Variants in CCDC17 observed in about 807,000 individuals in gnomAD.
CCDC17 encodes the protein coiled-coil domain containing 17.
CCDC17 carries 79 observed loss-of-function variants against 68.0 expected under a neutral mutation model. The observed-to-expected ratio is 1.16, with a 90% CI of 0.97 to 1.40. The LOEUF (loss-of-function observed/expected upper bound fraction) is 1.40. Among genes scored for constraint, CCDC17 ranks in the 40% most tolerant of loss-of-function variants. CCDC17 has a pLI of 0.00. For synonymous variants in CCDC17, 376 were observed against 337.5 expected (o/e 1.11, Z -1.25); for missense variants, 846 against 811.5 (o/e 1.04, Z -0.52).
Position 45,623,357 on chromosome 1 carries a change from C to A in CCDC17, c.353G>T (p.Arg118Leu). Residue 118 changes from arginine to leucine, a missense_variant, in exon 3 of 13, where the codon CGT becomes CTT. Coordinates refer to ENST00000528266, the MANE Select transcript of CCDC17 (RefSeq NM_001114938.3). ...VPRVFAGPWT[R>L]SEARPQSPMS... ...GGGACTCTGAGGCCGCGCCTCGGAA[C>A]GTGTCCAGGGCCCCGCGAACACCCT... 1 of 1,550,724 alleles carries A rather than the reference C, an allele frequency of 6.4e-7. No homozygotes were observed. The highest frequency in any genetic ancestry group is 8.7e-7 in the Non-Finnish European group (1 of 1,146,990).
intron 12 of CCDC17, 25 bp downstream of exon 12, chr1:45,620,698 T>A (rs751526424): frequency 1.3e-6 from 2 of 1,571,262 alleles, no homozygotes; most frequent in African/African-American, 2.7e-5. Flanking sequence ...AGCTGTGGTG[T>A]CCCTAGCTGC....
rs764825761 is a variant in CCDC17 at position 45,622,247 on chromosome 1, G to A, written c.961C>T (p.Pro321Ser). 3 of 1,612,566 alleles carry A rather than the reference G, an allele frequency of 1.9e-6. No individual in the cohort carries two copies. The highest frequency in any genetic ancestry group is 2.5e-6 in the Non-Finnish European group (3 of 1,179,244). The change falls in exon 7 of 13, where the codon CCC becomes TCC. Residue 321 changes from proline to serine, a missense_variant. Transcript: ENST00000528266. ...GGTTGGGGTGCTCACTGACCCAAGG[G>A]TGCCCGACCCCTCTGCATTTGCAAG... ...LALQMQRGRA[P>S]LGPQDLRLLG...
rs766004353 is a variant in CCDC17, at chr1:45,621,139, C to T, written c.1389-26G>A. Reference sequence around the variant, plus strand: ...CTGTAGAATAACCAAAAAGCAGTGTCGGAAGCCAGAGCTACAGTCCCTTTC... The same window carrying T: ...CTGTAGAATAACCAAAAAGCAGTGTTGGAAGCCAGAGCTACAGTCCCTTTC... On this transcript the variant is annotated intron_variant, in intron 10 of 12. Transcript: ENST00000528266. 8.1e-6 allele frequency: 13 copies of T among 1,607,298 alleles called. No individual in the cohort carries two copies. The South Asian group carries it at 1.1e-4, about 14-fold the overall frequency.
rs1313320359 is a variant in CCDC17, at chr1:45,621,925, GA to G, written c.1037del (p.Leu346ProfsTer24). ...QPKGRRDPPL[L>X]PPPVAPPLPP... is the part of the protein sequence containing the mutation. The stretch of plus-strand genomic sequence containing the variant: ...GCAGCGGTGGTGCCACCGGTGGCGG[GA>G]GGAGTGGGGGATCTCTCCTCCCCTT... On this transcript the variant is annotated frameshift_variant, in exon 8 of 13. Transcript: ENST00000528266. LOFTEE classifies it high-confidence loss of function. The G allele has an allele frequency of 1.9e-6, 3 of 1,610,036 alleles. No homozygotes were observed. Among genetic ancestry groups the G allele is most frequent in the Non-Finnish European group, 8.5e-7 (1 of 1,178,592 alleles).
chr1:45,623,817 C>CTGAGTT lies in CCDC17; in HGVS notation c.92_93insAACTCA (p.Thr30_Gln31dup). On this transcript the variant is annotated inframe_insertion, in exon 1 of 13. Coordinates refer to ENST00000528266, the MANE Select transcript of CCDC17 (RefSeq NM_001114938.3). Reference sequence around the variant, plus strand: ...GGGTCGGGTGGCCAATGCAGAAGCGCTGAGTATGGGTGGCTAACAGAGCTG... The same window carrying CTGAGTT: ...GGGTCGGGTGGCCAATGCAGAAGCGCTGAGTTTGAGTATGGGTGGCTAACAGAGCTG... 6.4e-7 allele frequency: 1 copy of CTGAGTT among 1,551,642 alleles called. No individual in the cohort carries two copies. The highest frequency in any genetic ancestry group is 8.7e-7 in the Non-Finnish European group (1 of 1,146,930).
chr1:45,621,243 G>A (rs1644243967), intron 10 of CCDC17, 38 bp downstream of exon 10: 1 of 1,545,880 alleles, frequency 6.5e-7, no homozygotes, highest in African/African-American at 1.4e-5. Context: ...AGCCTCAACT[G>A]TGGCAGAGTA....
rs1386728728 is a variant in CCDC17, at chr1:45,621,306, G to A, written c.1363C>T (p.Leu455Phe). 9.5e-6 allele frequency: 15 copies of A among 1,584,198 alleles called. No homozygotes were observed. Among genetic ancestry groups the A allele is most frequent in the Non-Finnish European group, 1.1e-5 (13 of 1,165,096 alleles). The change falls in exon 10 of 13, where the codon CTT becomes TTT. Residue 455 changes from leucine (L) to phenylalanine (F), a missense_variant. Coordinates refer to ENST00000528266, the MANE Select transcript of CCDC17 (RefSeq NM_001114938.3). ...CTGGGCACAGGCTGCCTGCTGGCAA[G>A]GATGGCACAGTTGCCCATGGGCCCG... ...APGPMGNCAI[L>F]ASRQPVPRLP...
At position 45,623,607 on chromosome 1, in the gene CCDC17, GGCCCTGGGGTTCTTGTGGCAC is replaced by G. The variant is rs1217085230; in HGVS notation, c.199_219del (p.Val67_Gly73del). 58 of 1,551,158 alleles carry G rather than the reference GGCCCTGGGGTTCTTGTGGCAC, an allele frequency of 3.7e-5. No individual in the cohort carries two copies. The highest frequency in any genetic ancestry group is 9.8e-5 in the Admixed American group (5 of 50,978). On this transcript the variant is annotated inframe_deletion, in exon 2 of 13. Coordinates refer to ENST00000528266, the MANE Select transcript of CCDC17 (RefSeq NM_001114938.3). ...GATCTACTGGCCTGCTGGTCTGGGA[GGCCCTGGGGTTCTTGTGGCAC>G]GCCCTGGTGTTCTTGTGGCACAACC...
Position 45,623,888 on chromosome 1 carries a change from G to A in CCDC17, c.22C>T (p.Pro8Ser). 2 of 1,532,398 alleles carry A rather than the reference G, an allele frequency of 1.3e-6. No individual in the cohort carries two copies. The highest frequency in any genetic ancestry group is 1.8e-6 in the Non-Finnish European group (2 of 1,138,766). The allele number at this position is 1,532,398 out of a possible 1,614,324, so 94.9% of individuals were successfully genotyped here. The change falls in exon 1 of 13, where the codon CCT becomes TCT. Residue 8 changes from proline (P) to serine (S), a missense_variant. By Grantham distance (74) the Pro-to-Ser change is moderately conservative (BLOSUM62 -1). Coordinates refer to ENST00000528266, the MANE Select transcript of CCDC17 (RefSeq NM_001114938.3). Reference sequence around the variant, plus strand: ...CAGGTCCCACAGGGCAGGAGCGCAGGCTCCCCAGAGTGGGAGTCCATGGGA... The same window carrying A: ...CAGGTCCCACAGGGCAGGAGCGCAGACTCCCCAGAGTGGGAGTCCATGGGA... Reference protein sequence around the residue: MDSHSGEPALLPCGTCDM... With the variant: MDSHSGESALLPCGTCDM...
At position 45,622,983 on chromosome 1, in the gene CCDC17, G is replaced by C; in HGVS notation, c.628C>G (p.Arg210Gly). Residue 210 changes from arginine (R) to glycine (G), a missense_variant, in exon 4 of 13, where the codon CGC becomes GGC. By Grantham distance (125) the Arg-to-Gly change is moderately radical. Coordinates refer to ENST00000528266, the MANE Select transcript of CCDC17 (RefSeq NM_001114938.3). ...TRGALEVLGARIQELQAEPGN... is the reference protein window; with the variant it reads ...TRGALEVLGAGIQELQAEPGN... Reference sequence around the variant, plus strand: ...GGCTCCGCCTGCAGCTCCTGAATGCGGGCCCCCAACACCTCTAGAGCTCCC... The same window carrying C: ...GGCTCCGCCTGCAGCTCCTGAATGCCGGCCCCCAACACCTCTAGAGCTCCC... 2 of 1,604,986 alleles carry C rather than the reference G, an allele frequency of 1.2e-6. No homozygotes were observed. The highest frequency in any genetic ancestry group is 2.2e-5 in the East Asian group (1 of 44,722).
Position 45,622,537 on chromosome 1 carries a change from C to A in CCDC17, c.859+12G>T, listed in dbSNP as rs1343057423. 1 of 1,550,426 alleles carries A rather than the reference C, an allele frequency of 6.4e-7. No individual in the cohort carries two copies. The highest frequency in any genetic ancestry group is 8.7e-7 in the Non-Finnish European group (1 of 1,146,402). ...GGACTGACCACCGCTGGCGAGAGGC[C>A]CTCCTGTTCACCTCTGCGGGTCTGC... is the stretch of plus-strand genomic sequence containing the variant. On this transcript the variant is annotated intron_variant, in intron 6 of 12. Coordinates refer to ENST00000528266, the MANE Select transcript of CCDC17 (RefSeq NM_001114938.3).
At position 45,621,743 on chromosome 1, in the gene CCDC17, G is replaced by A; in HGVS notation, c.1087-8C>T. 1 of 1,613,144 alleles carries A rather than the reference G, an allele frequency of 6.2e-7. No homozygotes were observed. The highest frequency in any genetic ancestry group is 8.5e-7 in the Non-Finnish European group (1 of 1,179,628). ...TGTTCCAGGAAGCTGTGGCTGTGGG[G>A]AAGAGAGCTGACTCCTCCAGAAAGC... On this transcript the variant is annotated splice_region_variant and splice_polypyrimidine_tract_variant and intron_variant, in intron 8 of 12. Coordinates refer to ENST00000528266, the MANE Select transcript of CCDC17 (RefSeq NM_001114938.3).
rs1411919798 is a variant in CCDC17, at chr1:45,621,485, C to A, written c.1185-1G>T. 6.3e-7 allele frequency: 1 copy of A among 1,582,122 alleles called. No individual in the cohort carries two copies. The highest frequency in any genetic ancestry group is 2.3e-5 in the East Asian group (1 of 42,948). ...ATCATAGAAAATGACCAGGCCAGCC[C>A]TGGGGAACACAAGTCTTAGCACAGA... On this transcript the variant is annotated splice_acceptor_variant, in intron 9 of 12. Coordinates refer to ENST00000528266, the MANE Select transcript of CCDC17 (RefSeq NM_001114938.3). LOFTEE classifies it high-confidence loss of function.
Position 45,623,081 on chromosome 1 carries a change from C to A in CCDC17, c.530G>T (p.Arg177Leu). Reference protein sequence around the residue: ...SRRLQVVACTRGGMSRLFGLE... With the variant: ...SRRLQVVACTLGGMSRLFGLE... ...GCCGAAGAGGCGGGACATCCCGCCCCGCGTACAGGCCACAACTTGGAGGCG... is the reference window on the plus strand; with the variant it reads ...GCCGAAGAGGCGGGACATCCCGCCCAGCGTACAGGCCACAACTTGGAGGCG... The change falls in exon 4 of 13, where the codon CGG becomes CTG. Residue 177 changes from arginine to leucine, a missense_variant. Coordinates refer to ENST00000528266, the MANE Select transcript of CCDC17 (RefSeq NM_001114938.3). 1.3e-6 allele frequency: 2 copies of A among 1,596,996 alleles called. No homozygotes were observed. Among genetic ancestry groups the A allele is most frequent in the South Asian group, 1.1e-5 (1 of 88,350 alleles).
chr1:45,620,828 A>G lies in CCDC17; in HGVS notation c.1605T>C (p.Gly535=). 6.2e-7 allele frequency: 1 copy of G among 1,610,884 alleles called. No homozygotes were observed. Among genetic ancestry groups the G allele is most frequent in the Admixed American group, 1.7e-5 (1 of 59,394 alleles). The change falls in exon 12 of 13, where the codon GGT becomes GGC. Residue 535 remains glycine, a synonymous_variant. Transcript: ENST00000528266. ...CCAGCCGCAGAAAGAGCTCAGCCTG[A>G]CCTGCCTGGGGAGAGATGAAATGGT... ...LGQLNGIPQA[G]QAELFLRLVN... is the part of the protein sequence containing the mutation.
chr1:45,621,931 TG>T lies in CCDC17; in HGVS notation c.1031del (p.Pro344HisfsTer26). 6.2e-7 allele frequency: 1 copy of T among 1,605,672 alleles called. No individual in the cohort carries two copies. The highest frequency in any genetic ancestry group is 8.5e-7 in the Non-Finnish European group (1 of 1,177,736). On this transcript the variant is annotated frameshift_variant, in exon 8 of 13. Transcript: ENST00000528266. LOFTEE classifies it high-confidence loss of function. ...GTGGTGCCACCGGTGGCGGGAGGAG[TG>T]GGGGATCTCTCCTCCCCTTCGGTTG... ...SLQPKGRRDPPLLPPPVAPPL... is the reference protein window; with the variant it reads ...SLQPKGRRDPXLLPPPVAPPL...
rs914945113 is a variant in CCDC17 at position 45,622,635 on chromosome 1, C to A, written c.773G>T (p.Gly258Val). Reference sequence around the variant, plus strand: ...CTGGCCCAGCACGCCGGGGTCCCGGCCCCCGTCTCGAATGTAGGCCTCCCG... The same window carrying A: ...CTGGCCCAGCACGCCGGGGTCCCGGACCCCGTCTCGAATGTAGGCCTCCCG... The part of the protein sequence containing the change: ...ALREAYIRDG[G>V]RDPGVLGQIW... Residue 258 changes from glycine (G) to valine (V), a missense_variant, in exon 6 of 13, where the codon GGC becomes GTC. Coordinates refer to ENST00000528266, the MANE Select transcript of CCDC17 (RefSeq NM_001114938.3). 13 of 1,556,172 alleles carry A rather than the reference C, an allele frequency of 8.4e-6. No individual in the cohort carries two copies. The East Asian group carries it at 3.2e-4, about 38-fold the overall frequency.
chr1:45,622,919 C>A, intron 4 of CCDC17, 36 bp downstream of exon 4: 1 of 1,582,322 alleles, frequency 6.3e-7, no homozygotes. Context: ...CACCCCGGAG[C>A]CGCATGTTCC....
intron 12 of CCDC17, 22 bp downstream of exon 12, chr1:45,620,701 C>T (rs893240602): frequency 3.2e-6 from 5 of 1,573,732 alleles, no homozygotes; most frequent in Middle Eastern, 1.7e-4. Context: ...TGTGGTGTCC[C>T]TAGCTGCAGC....
Sources: gnomAD v4.1 joint callset for allele counts on GRCh38, gnomAD v4.1.1 for gene constraint, MANE v1.5 for transcripts, NCBI Gene and HGNC (gene_info 2026-07-23, HGNC 2026-07-21) for gene names.